Variants in C18orf63 observed in about 807,000 individuals in gnomAD.
The protein encoded by C18orf63 is chromosome 18 open reading frame 63.
C18orf63 carries 50 observed loss-of-function variants against 75.3 expected under a neutral mutation model. That is an observed-to-expected ratio of 0.66 (90% CI 0.53 to 0.84). The LOEUF (loss-of-function observed/expected upper bound fraction) is 0.84. C18orf63 is among the 40% of genes least tolerant of loss of function. The pLI, the probability that C18orf63 is intolerant of heterozygous loss-of-function variation, is 0.00. For missense variants in C18orf63, 732 were observed against 800.2 expected (o/e 0.91, Z 1.03); for synonymous variants, 232 against 267.6 (o/e 0.87, Z 1.30).
chr18:74,320,463 A>C, intron 2 of C18orf63, 50 bp from the exon 3 acceptor site: 2 of 1,304,316 alleles, frequency 1.5e-6, no homozygotes, highest in Non-Finnish European at 2.1e-6. Context: ...GGGTGGGGAC[A>C]CAGAACCAAA....
chr18:74,318,586 C>T (rs1237734012), intron 2 of C18orf63, among the ~76,000 whole-genome samples: 2 of 152,004 alleles, frequency 1.3e-5, no homozygotes, highest in Non-Finnish European at 2.9e-5. Context: ...GTCAGGAGTT[C>T]GACACCAGCC....
intron 8 of C18orf63, among the ~76,000 whole-genome samples, chr18:74,341,270 C>CAAAAAAAAAAA (rs58362707): frequency 3.4e-5 from 2 of 58,986 alleles, no homozygotes; most frequent in African/African-American, 7.3e-5. Context: ...GACTCCGTCT[C>CAAAAAAAAAAA]AAAAAAAAAA....
At chr18:74,326,426 T>C (rs1984208807) in intron 4 of C18orf63, among the ~76,000 whole-genome samples, 1 of 152,174 alleles carries the variant, frequency 6.6e-6, no homozygotes, top group Admixed American at 6.5e-5. Flanking sequence ...TTGGGTAGCT[T>C]CCTCACATGT....
At chr18:74,318,966 C>T (rs1257952555) in intron 2 of C18orf63, among the ~76,000 whole-genome samples, 1 of 152,106 alleles carries the variant, frequency 6.6e-6, no homozygotes, top group African/African-American at 2.4e-5. Flanking sequence ...CTAGAAGATA[C>T]CCAGAGGCAA....
chr18:74,318,116 T>C, intron 2 of C18orf63, 117 bp downstream of exon 2: 1 of 611,528 alleles, frequency 1.6e-6, no homozygotes, highest in Non-Finnish European at 2.5e-6. Flanking sequence ...TTTATAATTT[T>C]AAAATAAAGG....
chr18:74,320,633 GAAC>G (rs1223082008), intron 3 of C18orf63, 42 bp downstream of exon 3: 1 of 1,122,710 alleles, frequency 8.9e-7, no homozygotes, highest in East Asian at 2.6e-5. Flanking sequence ...TACTAGTTGA[GAAC>G]AATATTGATA....
At chr18:74,323,985 C>T (rs1231807160) in intron 4 of C18orf63, among the ~76,000 whole-genome samples, 1 of 152,206 alleles carries the variant, frequency 6.6e-6, no homozygotes, top group Non-Finnish European at 1.5e-5. Flanking sequence ...GGCTGGTGCC[C>T]ACCTTGCACC....
At chr18:74,338,965 A>G (rs1984435934) in intron 8 of C18orf63, 141 bp downstream of exon 8, 2 of 395,980 alleles carry the variant, frequency 5.1e-6, no homozygotes, top group East Asian at 7.2e-5. Context: ...TCACAAAGGT[A>G]TTGAAACAAT....
chr18:74,333,807 CT>C (rs779992013), intron 7 of C18orf63, among the ~76,000 whole-genome samples: 2 of 152,134 alleles, frequency 1.3e-5, no homozygotes, highest in Non-Finnish European at 2.9e-5. Context: ...GTTAGTAGAG[CT>C]TTCTGGGCAT....
In C18orf63 at chr18:74,318,789, C is replaced by CAAA. The variant is rs1440958908; in HGVS notation, c.134+791_134+792insAAA. Among the ~76,000 whole-genome samples the CAAA allele has an allele frequency of 6.2e-3, 576 of 93,642 alleles. 5 individuals carry two copies. The highest frequency in any genetic ancestry group is 0.058 in the South Asian group (174 of 3,022). The allele number at this position is 93,642 out of a possible 152,430, so 61.4% of individuals were successfully genotyped here. ...TGGGCAACAGAGCGAGACTCTGTCT[C>CAAA]AGAAAAAAAAAAAAAGGAAAGAAAA... On this transcript the variant is annotated intron_variant, in intron 2 of 13. Coordinates refer to ENST00000579455, the MANE Select transcript of C18orf63 (RefSeq NM_001174123.2).
rs8085983 is a variant in C18orf63 at position 74,331,044 on chromosome 18, C to T, written c.501+102C>T. ...TTAGGTTTTAATTTTTAACATAAAG[C>T]GTGCTAGAAAGGTTTTTATTATCAA... On this transcript the variant is annotated intron_variant, in intron 7 of 13. Coordinates refer to ENST00000579455, the MANE Select transcript of C18orf63 (RefSeq NM_001174123.2). The T allele has an allele frequency of 2.4e-3, 1,030 of 425,300 alleles. 8 individuals are homozygous for T. Among genetic ancestry groups the T allele is most frequent in the African/African-American group, 0.02 (962 of 48,552 alleles). 26.3% of individuals were successfully genotyped at this position (425,300 alleles called of 1,614,324 possible).
At chr18:74,324,225 C>A (rs1409244630) in intron 4 of C18orf63, among the ~76,000 whole-genome samples, 2 of 152,206 alleles carry the variant, frequency 1.3e-5, no homozygotes, top group South Asian at 2.1e-4. Flanking sequence ...GTGCTCCTTA[C>A]AATTTTCGCT....
At chr18:74,344,485 T>G (rs1019412677) in intron 11 of C18orf63, among the ~76,000 whole-genome samples, 8 of 148,394 alleles carry the variant, frequency 5.4e-5, no homozygotes, top group Non-Finnish European at 2.9e-5. Context: ...AGATGAAACA[T>G]AGAACCTTGC....
chr18:74,337,277 C>T (rs934985699), intron 7 of C18orf63, among the ~76,000 whole-genome samples: 3 of 152,078 alleles, frequency 2.0e-5, no homozygotes, highest in Non-Finnish European at 4.4e-5. Context: ...CATTCGCAGT[C>T]TCTTGGAGTA....
At chr18:74,322,221 AC>A (rs1984136377) in intron 3 of C18orf63, among the ~76,000 whole-genome samples, 1 of 152,182 alleles carries the variant, frequency 6.6e-6, no homozygotes, top group Non-Finnish European at 1.5e-5. Context: ...CTGGGAGGAA[AC>A]CTGTTTTTCC....
At chr18:74,349,382 G>A (rs1285747218) in intron 11 of C18orf63, among the ~76,000 whole-genome samples, 1 of 152,158 alleles carries the variant, frequency 6.6e-6, no homozygotes, top group African/African-American at 2.4e-5. Context: ...GCACTGGTAT[G>A]TTTGCCTAGT....
At chr18:74,354,341 G>T in intron 12 of C18orf63, 73 bp downstream of exon 12, 1 of 1,344,608 alleles carries the variant, frequency 7.4e-7, no homozygotes, top group South Asian at 1.5e-5. Context: ...GGATTTAAAT[G>T]ATTTCCCTAA....
rs559828825 is a variant in C18orf63, at chr18:74,352,193, G to A, written c.979-1053G>A. Among the ~76,000 whole-genome samples, 3 of 152,236 alleles carry A rather than the reference G, an allele frequency of 2.0e-5. No individual in the cohort carries two copies. In the South Asian group the frequency reaches 6.2e-4, roughly 32 times the overall value. ...CCACTTACATGTGGTACCTAGAATG[G>A]GCAAATTCATAGAATAGAAAGTAAA... On this transcript the variant is annotated intron_variant, in intron 11 of 13. Coordinates refer to ENST00000579455, the MANE Select transcript of C18orf63 (RefSeq NM_001174123.2).
intron 4 of C18orf63, among the ~76,000 whole-genome samples, chr18:74,326,105 G>A (rs1044081137): frequency 2.0e-5 from 3 of 152,164 alleles, no homozygotes; most frequent in Non-Finnish European, 4.4e-5. Flanking sequence ...TTGGGTCTGG[G>A]CCCCTGGGGC....
Sources: allele counts gnomAD v4.1 joint callset (sites outside exome capture counted in the v4.1 genomes callset), GRCh38; gene constraint gnomAD v4.1.1; transcripts MANE v1.5; gene names NCBI Gene and HGNC (gene_info 2026-07-23, HGNC 2026-07-21).